LPA: variants seen among roughly 807,000 people sequenced by gnomAD.
LPA encodes apolipoprotein(a).
In LPA, 199 loss-of-function variants were observed where a neutral mutation model predicts 197.9. The observed-to-expected ratio is 1.01, with a 90% CI of 0.90 to 1.13. The LOEUF (loss-of-function observed/expected upper bound fraction) is 1.13, where lower values mean the gene tolerates loss of function less well. LPA is among the 50% of genes most tolerant of loss of function. The pLI, the probability that LPA is intolerant of heterozygous loss-of-function variation, is 0.00. For synonymous variants in LPA, 715 were observed against 639.5 expected, an observed-to-expected ratio of 1.12 and a Z score of -1.78; for missense variants, 1,853 against 1,785.8, an observed-to-expected ratio of 1.04 and a Z score of -0.68.
intron 26 of LPA, among the ~76,000 whole-genome samples, chr6:160,583,534 G>C (rs1778839427): frequency 6.6e-6 from 1 of 152,104 alleles, no homozygotes; most frequent in Admixed American, 6.6e-5. Flanking sequence ...ATACCTCCCA[G>C]TGCTATGTGA....
At position 160,573,287 on chromosome 6, in the gene LPA, AT is replaced by A. The variant is rs368615832; in HGVS notation, c.4631+3848del. Among the ~76,000 whole-genome samples the A allele has an allele frequency of 4.1e-4, 61 of 150,392 alleles. No individual in the cohort carries two copies. In the South Asian group the frequency reaches 0.012, roughly 30 times the overall value. On this transcript the variant is annotated intron_variant, in intron 28 of 38. Transcript: ENST00000316300. ...GTGTCCAAAGTCTACTGAATTTTTT[AT>A]TGTTTTTTTATTAAGCTATCTATTT...
chr6:160,539,831 G>A lies in LPA; in HGVS notation c.5735+212C>T, dbSNP rs867225890. The stretch of plus-strand genomic sequence containing the variant: ...GGTAACAGGGTATCTCTTTTTCCAC[G>A]TGAGGAAACGAATCCTTCTGCCTTT... On this transcript the variant is annotated intron_variant, in intron 36 of 38. Coordinates refer to ENST00000316300, the MANE Select transcript of LPA (RefSeq NM_005577.4). Among the ~76,000 whole-genome samples the A allele has an allele frequency of 7.3e-4, 50 of 68,624 alleles. No individual in the cohort carries two copies. The Middle Eastern group carries it at 0.024, about 33-fold the overall frequency. The allele number at this position is 68,624 out of a possible 152,430, so 45.0% of individuals were successfully genotyped here. A position where few individuals can be genotyped will look rare whatever the true frequency, so the allele number is the denominator to read the frequency against.
At chr6:160,545,078 A>C (rs1778044003) in intron 33 of LPA, among the ~76,000 whole-genome samples, 1 of 151,906 alleles carries the variant, frequency 6.6e-6, no homozygotes, top group African/African-American at 2.4e-5. Context: ...GCTGCAGAAG[A>C]GGACAGTTTT....
chr6:160,536,863 G>T (rs1490951470), intron 37 of LPA, among the ~76,000 whole-genome samples: 1 of 152,180 alleles, frequency 6.6e-6, no homozygotes, highest in Non-Finnish European at 1.5e-5. Context: ...ATCTAAACCT[G>T]TGGTTTTTAA....
intron 25 of LPA, 39 bp downstream of exon 25, chr6:160,586,410 A>G (rs749181101): frequency 6.2e-6 from 10 of 1,609,446 alleles, no homozygotes; most frequent in Admixed American, 5.0e-5. Context: ...TTTTATCCCA[A>G]TGTCCGAGGG....
At chr6:160,548,786 A>G (rs1778122594) in intron 30 of LPA, 127 bp from the exon 31 acceptor site, 3 of 930,988 alleles carry the variant, frequency 3.2e-6, no homozygotes, top group Non-Finnish European at 5.2e-6. Context: ...TAAAGGTATC[A>G]TACAATTGCC....
intron 28 of LPA, among the ~76,000 whole-genome samples, chr6:160,574,779 C>A (rs1275010763): frequency 6.6e-6 from 1 of 152,168 alleles, no homozygotes; most frequent in East Asian, 1.9e-4. Context: ...CCTGCAGGAG[C>A]AGTCTGCTTC....
intron 28 of LPA, 66 bp from the exon 29 acceptor site, chr6:160,557,637 C>T (rs1485329408): frequency 1.4e-6 from 2 of 1,381,442 alleles, no homozygotes; most frequent in African/African-American, 1.4e-5. Flanking sequence ...CCAGCGCTGT[C>T]TAAACTTTGT....
At chr6:160,535,829 G>C (rs1777886457) in intron 37 of LPA, among the ~76,000 whole-genome samples, 1 of 152,128 alleles carries the variant, frequency 6.6e-6, no homozygotes, top group Admixed American at 6.5e-5. Context: ...ATGTCACATG[G>C]AAGATGGGAG....
Position 160,547,936 on chromosome 6 carries a change from G to A in LPA, c.5157C>T (p.Asp1719=), listed in dbSNP as rs41264848. The A allele has an allele frequency of 6.2e-3, 10,081 of 1,613,738 alleles. 205 individuals are homozygous for A. In the African/African-American group the frequency reaches 0.063, roughly 10 times the overall value. ...VPSLGPPSEQ[D]CMFGNGKGYR... ...ATCCTTTCCCATTCCCAAACATACAGTCTGTAGAAAAAAATAAAAATAAAA... is the reference window on the plus strand; with the variant it reads ...ATCCTTTCCCATTCCCAAACATACAATCTGTAGAAAAAAATAAAAATAAAA... Residue 1719 remains aspartate, a splice_region_variant and synonymous_variant, in exon 32 of 39, where the codon GAC becomes GAT. Coordinates refer to ENST00000316300, the MANE Select transcript of LPA (RefSeq NM_005577.4).
chr6:160,592,964 T>C (rs1198512799), intron 22 of LPA, among the ~76,000 whole-genome samples: 1 of 152,202 alleles, frequency 6.6e-6, no homozygotes, highest in Non-Finnish European at 1.5e-5. Context: ...CTTTCCCCAG[T>C]AGCTTTTCTT....
chr6:160,602,619 A>G (rs192765652), intron 18 of LPA, among the ~76,000 whole-genome samples: 3 of 152,312 alleles, frequency 2.0e-5, no homozygotes, highest in South Asian at 2.1e-4. Context: ...CTCTTGAACT[A>G]TTCTTCTTCT....
chr6:160,558,667 C>T (rs1027459652), intron 28 of LPA, among the ~76,000 whole-genome samples: 1 of 152,090 alleles, frequency 6.6e-6, no homozygotes, highest in Admixed American at 6.6e-5. Flanking sequence ...TCATAAAGGG[C>T]GATGGCTGGG....
At chr6:160,539,860 AAG>A (rs1357549684) in intron 36 of LPA, among the ~76,000 whole-genome samples, 181 bp downstream of exon 36, 14 of 152,170 alleles carry the variant, frequency 9.2e-5, no homozygotes, top group Non-Finnish European at 1.8e-4. Flanking sequence ...TGCCTTTTTA[AAG>A]AGCACAACTA....
chr6:160,606,009 G>A (rs1416336173), intron 17 of LPA, among the ~76,000 whole-genome samples: 2 of 152,130 alleles, frequency 1.3e-5, no homozygotes, highest in Non-Finnish European at 2.9e-5. Context: ...TAGAACCAGG[G>A]TGATTTGGAA....
intron 20 of LPA, among the ~76,000 whole-genome samples, chr6:160,598,829 C>A (rs1779180333): frequency 6.6e-6 from 1 of 152,110 alleles, no homozygotes; most frequent in Non-Finnish European, 1.5e-5. Flanking sequence ...TCCCTGTGAC[C>A]CAAGATGCAA....
intron 26 of LPA, among the ~76,000 whole-genome samples, chr6:160,582,041 C>A (rs111779450): frequency 1.3e-5 from 2 of 151,960 alleles, no homozygotes; most frequent in Non-Finnish European, 2.9e-5. Context: ...ATTACATAAT[C>A]CTGCTGATGA....
chr6:160,557,658 T>A (rs991119843), intron 28 of LPA, 87 bp from the exon 29 acceptor site: 22 of 1,174,966 alleles, frequency 1.9e-5, no homozygotes, highest in Non-Finnish European at 2.7e-5. Flanking sequence ...TATAACAAAG[T>A]GTTAAAAAGT....
At chr6:160,588,576 C>T (rs1477325229) in intron 24 of LPA, among the ~76,000 whole-genome samples, 1 of 152,174 alleles carries the variant, frequency 6.6e-6, no homozygotes, top group Non-Finnish European at 1.5e-5. Context: ...TATGAAAACT[C>T]TCCCTGTGCA....
Sources: allele counts gnomAD v4.1 joint callset (sites outside exome capture counted in the v4.1 genomes callset), GRCh38; gene constraint gnomAD v4.1.1; transcripts MANE v1.5; gene names NCBI Gene and HGNC (gene_info 2026-07-23, HGNC 2026-07-21).